JADE2: variants seen among roughly 807,000 people sequenced by gnomAD.
JADE2 encodes the protein jade family PHD finger 2.
Under a neutral mutation model 85.7 loss-of-function variants are expected in JADE2, and 13 were observed. The ratio of observed to expected loss-of-function variants is 0.15; its 90% CI spans 0.10 to 0.24. The LOEUF (loss-of-function observed/expected upper bound fraction) is 0.24. Among genes scored for constraint, JADE2 ranks in the 10% least tolerant of loss-of-function variants. JADE2 has a pLI of 1.00. For missense variants in JADE2, 846 were observed against 1,115.9 expected (o/e 0.76, Z 3.45); for synonymous variants, 440 against 456.1 (o/e 0.96, Z 0.45).
chr5:134,525,207 G>A (rs1375662684), upstream of JADE2, among the ~76,000 whole-genome samples: 1 of 150,898 alleles, frequency 6.6e-6, no homozygotes, highest in Non-Finnish European at 1.5e-5. Flanking sequence ...GCCCGGGTCT[G>A]GGGCGCGTAG....
intron 3 of JADE2, among the ~76,000 whole-genome samples, chr5:134,544,832 C>T (rs1356243633): frequency 2.6e-5 from 4 of 152,092 alleles, no homozygotes; most frequent in Non-Finnish European, 5.9e-5. Context: ...AAAAACACAG[C>T]GAGTGGAGAT....
chr5:134,573,814 G>A, intron 10 of JADE2, 52 bp downstream of exon 10: 1 of 1,150,400 alleles, frequency 8.7e-7, no homozygotes, highest in Non-Finnish European at 1.3e-6. Flanking sequence ...CTCTCTTGCG[G>A]GGCTGGGTCC....
chr5:134,566,066 C>T lies in JADE2; in HGVS notation c.970-50C>T. ...GGGGGAAGCCCCTCTGTCTTCTCCC[C>T]TCCCACCAGGCTCCCTCCATGTCTG... On this transcript the variant is annotated intron_variant, in intron 8 of 11. Transcript: ENST00000681547. The surrounding 1 kb of genome is among the most constrained non-coding windows in gnomAD (Gnocchi z 6.7). 1 of 1,513,826 alleles carries T rather than the reference C, an allele frequency of 6.6e-7. No homozygotes were observed. Among genetic ancestry groups the T allele is most frequent in the African/African-American group, 1.4e-5 (1 of 73,096 alleles). The allele number at this position is 1,513,826 out of a possible 1,614,324, so 93.8% of individuals were successfully genotyped here.
chr5:134,553,721 A>G (rs374532738), intron 4 of JADE2, among the ~76,000 whole-genome samples: 1 of 152,226 alleles, frequency 6.6e-6, no homozygotes, highest in East Asian at 1.9e-4. Flanking sequence ...TGCCTGGCAT[A>G]CAGCAGATGT....
chr5:134,573,392 G>A (rs1764158701), intron 9 of JADE2, among the ~76,000 whole-genome samples: 1 of 152,182 alleles, frequency 6.6e-6, no homozygotes. Context: ...CTTTTCCCTG[G>A]CTGCTCTGGC....
At chr5:134,568,660 C>T (rs12519869) in intron 9 of JADE2, among the ~76,000 whole-genome samples, 43,340 of 152,138 alleles carry the variant, frequency 0.28, 6,337 homozygotes, top group Middle Eastern at 0.36. Context: ...GCTGGGCTGG[C>T]GGGCACCAGC....
At chr5:134,541,988 G>T (rs1036233797) in intron 3 of JADE2, among the ~76,000 whole-genome samples, 34 of 152,386 alleles carry the variant, frequency 2.2e-4, no homozygotes, top group South Asian at 8.3e-4. Flanking sequence ...CAGAGTGAAG[G>T]GGGAGTGAGT....
intron 3 of JADE2, among the ~76,000 whole-genome samples, chr5:134,548,229 A>G (rs1422824201): frequency 6.6e-6 from 1 of 151,866 alleles, no homozygotes; most frequent in East Asian, 1.9e-4. Context: ...CCCTTGGAGA[A>G]GTCACCTGAT....
intron 9 of JADE2, among the ~76,000 whole-genome samples, chr5:134,568,916 C>A (rs968638086): frequency 2.6e-5 from 4 of 152,232 alleles, no homozygotes; most frequent in Non-Finnish European, 4.4e-5. Flanking sequence ...CCGGGAGTAT[C>A]CAGCCTGTAA....
intron 4 of JADE2, among the ~76,000 whole-genome samples, chr5:134,555,225 C>T (rs993517619): frequency 3.3e-5 from 5 of 152,168 alleles, no homozygotes; most frequent in South Asian, 2.1e-4. Flanking sequence ...GCACTTGTCT[C>T]GCCCCTCTCC....
chr5:134,537,986 C>T lies in JADE2; in HGVS notation c.59-3C>T, dbSNP rs754233130. 3.1e-6 allele frequency: 5 copies of T among 1,612,816 alleles called. No homozygotes were observed. The highest frequency in any genetic ancestry group is 1.7e-5 in the Admixed American group (1 of 60,004). On this transcript the variant is annotated splice_region_variant and splice_polypyrimidine_tract_variant and intron_variant, in intron 2 of 11. Transcript: ENST00000681547. ...CCCCTAATGGACTGTTCTCTCTCTGCAGGTCATGCGACATCTACATCCGCA... is the reference window on the plus strand; with the variant it reads ...CCCCTAATGGACTGTTCTCTCTCTGTAGGTCATGCGACATCTACATCCGCA...
intron 4 of JADE2, 36 bp downstream of exon 4, chr5:134,552,245 A>T (rs774906494): frequency 3.1e-6 from 5 of 1,590,794 alleles, no homozygotes; most frequent in Non-Finnish European, 4.3e-6. Context: ...GGCCATTGGG[A>T]CAGGGGAGGA....
intron 1 of JADE2, chr5:134,526,634 CG>C: frequency 1.0e-6 from 1 of 985,468 alleles, no homozygotes; most frequent in Non-Finnish European, 1.2e-6. Context: ...TCCGCCCTGT[CG>C]CCCCCTCTCC....
intron 3 of JADE2, among the ~76,000 whole-genome samples, chr5:134,542,385 C>G (rs1762013048): frequency 6.6e-6 from 1 of 151,924 alleles, no homozygotes; most frequent in Non-Finnish European, 1.5e-5. Flanking sequence ...CCACCCCACC[C>G]CAGGTATTCT....
chr5:134,571,469 T>C (rs375900420), intron 9 of JADE2, among the ~76,000 whole-genome samples: 206 of 152,130 alleles, frequency 1.4e-3, no homozygotes, highest in African/African-American at 4.3e-3. Flanking sequence ...GAGGCCAAGG[T>C]GGGCGGATCA....
upstream of JADE2, among the ~76,000 whole-genome samples, chr5:134,525,431 A>C (rs1260861690): frequency 6.8e-6 from 1 of 147,594 alleles, no homozygotes; most frequent in African/African-American, 2.5e-5. Flanking sequence ...GCTGCGAGGG[A>C]GGGCACCCTT....
intron 2 of JADE2, among the ~76,000 whole-genome samples, chr5:134,537,325 G>A (rs2149879180): frequency 6.6e-6 from 1 of 152,350 alleles, no homozygotes; most frequent in South Asian, 2.1e-4. Flanking sequence ...AAGGGCCTTA[G>A]ACCCTAATAA....
intron 7 of JADE2, among the ~76,000 whole-genome samples, chr5:134,563,304 T>C (rs1359899662): frequency 2.0e-5 from 3 of 146,764 alleles, no homozygotes; most frequent in Non-Finnish European, 4.5e-5. Context: ...GGTAACAGAA[T>C]GAGACTGTTT....
At position 134,525,960 on chromosome 5, in the gene JADE2, C is replaced by T. The variant is rs536987472; in HGVS notation, c.-52C>T. On this transcript the variant is annotated 5_prime_UTR_variant, in exon 1 of 12. Transcript: ENST00000681547. ...AGCATCCTTCCCGCGCCGGTCCCTGCAGCGGCGCGTAGCCGAGGGCAGCGC... is the reference window on the plus strand; with the variant it reads ...AGCATCCTTCCCGCGCCGGTCCCTGTAGCGGCGCGTAGCCGAGGGCAGCGC... 8.8e-5 allele frequency: 87 copies of T among 986,010 alleles called. No individual in the cohort carries two copies. The highest frequency in any genetic ancestry group is 1.0e-4 in the Non-Finnish European group (85 of 830,508). The allele number at this position is 986,010 out of a possible 1,614,324, so 61.1% of individuals were successfully genotyped here. A position where few individuals can be genotyped will look rare whatever the true frequency, so the allele number is the denominator to read the frequency against.
Sources: gnomAD v4.1 joint callset for allele counts (sites outside exome capture counted in the v4.1 genomes callset) on GRCh38, gnomAD v4.1.1 for gene constraint, Gnocchi (gnomAD v3.1) non-coding constraint, MANE v1.5 for transcripts, NCBI Gene and HGNC (gene_info 2026-07-23, HGNC 2026-07-21) for gene names.